The following CCDC47 variants were observed in gnomAD, a reference collection of about 807,000 sequenced individuals.
CCDC47 encodes coiled-coil domain containing 47.
Under a neutral mutation model 60.5 loss-of-function variants are expected in CCDC47, and 41 were observed. The ratio of observed to expected loss-of-function variants is 0.68; its 90% CI spans 0.53 to 0.88. The LOEUF is 0.88. Ranked by LOEUF, CCDC47 falls within the 40% of genes least tolerant of loss-of-function variation. The pLI, the probability that CCDC47 is intolerant of heterozygous loss-of-function variation, is 0.00. For synonymous variants in CCDC47, 195 were observed against 190.7 expected (o/e 1.02, Z -0.18); for missense variants, 513 against 580.9 (o/e 0.88, Z 1.20).
intron 2 of CCDC47, chr17:63,765,688 T>C: frequency 7.4e-7 from 1 of 1,352,344 alleles, no homozygotes. Context: ...ACAGTATCTA[T>C]TCTCTAACCC....
Position 63,766,177 on chromosome 17 carries a change from G to A in CCDC47, c.-2C>T. 1 of 1,595,844 alleles carries A rather than the reference G, an allele frequency of 6.3e-7. No homozygotes were observed. Among genetic ancestry groups the A allele is most frequent in the Admixed American group, 1.8e-5 (1 of 55,266 alleles). On this transcript the variant is annotated 5_prime_UTR_variant, in exon 2 of 13. Coordinates refer to ENST00000225726, the MANE Select transcript of CCDC47 (RefSeq NM_020198.3). ...ACAGAAAGTGTGGAAGGCTTTCATT[G>A]CACCTTGAGAAAAAAAGCTTAAAAA...
At chr17:63,755,373 G>T in intron 8 of CCDC47, 2 of 836,252 alleles carry the variant, frequency 2.4e-6, no homozygotes, top group Non-Finnish European at 2.9e-6. Context: ...TAATCCAAGC[G>T]CTTTGGGAGG....
rs201808551 is a variant in CCDC47, at chr17:63,760,906, A to C, written c.735+8T>G. 839 of 1,602,920 alleles carry C rather than the reference A, an allele frequency of 5.2e-4. No individual in the cohort carries two copies. Among genetic ancestry groups the C allele is most frequent in the Non-Finnish European group, 4.7e-4 (547 of 1,170,200 alleles). On this transcript the variant is annotated splice_region_variant and intron_variant, in intron 6 of 12. Transcript: ENST00000225726. ...TGTACACAGAAAACCAGCGGGAAGAATACATACCACTTGATCACTCACTGG... is the reference window on the plus strand; with the variant it reads ...TGTACACAGAAAACCAGCGGGAAGACTACATACCACTTGATCACTCACTGG...
In CCDC47 at chr17:63,764,787, G is replaced by T; in HGVS notation, c.325C>A (p.Pro109Thr). The change falls in exon 3 of 13, where the codon CCA (proline) becomes ACA (threonine). Residue 109 changes from proline (P) to threonine (T), a missense_variant. Transcript: ENST00000225726. Reference sequence around the variant, plus strand: ...TTATTTTTGCTAGAAGAAGTATCTGGTTTGTCTTCATAACCTTCAAATTCT... The same window carrying T: ...TTATTTTTGCTAGAAGAAGTATCTGTTTTGTCTTCATAACCTTCAAATTCT... ...DEEFEGYEDK[P>T]DTSSSKNKDP... 2 of 1,613,404 alleles carry T rather than the reference G, an allele frequency of 1.2e-6. No individual in the cohort carries two copies. The highest frequency in any genetic ancestry group is 1.7e-6 in the Non-Finnish European group (2 of 1,179,852).
intron 1 of CCDC47, chr17:63,766,724 C>A (rs182393730): frequency 1.6e-6 from 1 of 644,610 alleles, no homozygotes; most frequent in African/African-American, 2.0e-5. Flanking sequence ...TGTGCCCAGC[C>A]CAAGTCATTT....
intron 1 of CCDC47, among the ~76,000 whole-genome samples, chr17:63,768,946 C>T (rs1429801707): frequency 6.6e-6 from 1 of 151,728 alleles, no homozygotes; most frequent in Non-Finnish European, 1.5e-5. Context: ...AATTAGCCAG[C>T]GTGTGGCGTG....
At chr17:63,769,431 T>A (rs1408063769) in intron 1 of CCDC47, among the ~76,000 whole-genome samples, 2 of 151,582 alleles carry the variant, frequency 1.3e-5, no homozygotes, top group African/African-American at 4.8e-5. Context: ...CTGACCAACA[T>A]GGTGAAACCT....
At chr17:63,753,084 G>A (rs1348611124) in intron 9 of CCDC47, 2 of 395,266 alleles carry the variant, frequency 5.1e-6, no homozygotes, top group Non-Finnish European at 6.9e-6. Flanking sequence ...AGCCAGAAAT[G>A]AGCCTATATT....
intron 1 of CCDC47, among the ~76,000 whole-genome samples, chr17:63,770,421 G>A (rs1235949923): frequency 6.6e-6 from 1 of 152,126 alleles, no homozygotes; most frequent in East Asian, 1.9e-4. Flanking sequence ...TGGGAGAAAG[G>A]AGGCTGGAAA....
chr17:63,747,226 C>T, intron 12 of CCDC47: 1 of 984,874 alleles, frequency 1.0e-6, no homozygotes, highest in Non-Finnish European at 1.2e-6. Flanking sequence ...CTATAATTAA[C>T]CAGCCTTTGT....
At chr17:63,753,601 A>G (rs2039183003) in intron 9 of CCDC47, 1 of 972,430 alleles carries the variant, frequency 1.0e-6, no homozygotes, top group Non-Finnish European at 1.2e-6. Context: ...CTGTGAATTC[A>G]AAGAACAAAT....
In CCDC47 at chr17:63,764,207, A is replaced by G. The variant is rs771948741; in HGVS notation, c.373-17T>C. 12 of 1,563,678 alleles carry G rather than the reference A, an allele frequency of 7.7e-6. No homozygotes were observed. The South Asian group carries it at 1.3e-4, about 17-fold the overall frequency. ...TGCAGGAACCTAAAAAAGCAAAATC[A>G]TTCCATTAAATGTTGGCTGAGACTG... is the stretch of plus-strand genomic sequence containing the variant. On this transcript the variant is annotated splice_polypyrimidine_tract_variant and intron_variant, in intron 3 of 12. Coordinates refer to ENST00000225726, the MANE Select transcript of CCDC47 (RefSeq NM_020198.3).
intron 4 of CCDC47, among the ~76,000 whole-genome samples, chr17:63,762,445 C>T (rs1944307385): frequency 6.6e-6 from 1 of 152,130 alleles, no homozygotes; most frequent in Admixed American, 6.5e-5. Context: ...CTTCAGTTTC[C>T]TCCTTAGGAA....
intron 4 of CCDC47, chr17:63,761,697 A>T: frequency 8.3e-6 from 1 of 121,062 alleles, no homozygotes; most frequent in Non-Finnish European, 9.6e-6. Context: ...ACTCTGTCTC[A>T]AAAAAAAAAA....
intron 12 of CCDC47, among the ~76,000 whole-genome samples, chr17:63,748,279 A>AGGGC (rs2039135357): frequency 6.6e-6 from 1 of 151,218 alleles, no homozygotes; most frequent in South Asian, 2.1e-4. Context: ...TGCCCAGCTA[A>AGGGC]TTTTTGTATT....
At chr17:63,770,670 TC>T (rs2039331518) in intron 1 of CCDC47, among the ~76,000 whole-genome samples, 1 of 152,052 alleles carries the variant, frequency 6.6e-6, no homozygotes, top group Non-Finnish European at 1.5e-5. Flanking sequence ...TGCCTTGCAA[TC>T]CATGGATGCT....
chr17:63,760,062 C>CAAAAAAAAAAAAAAAAAA (rs10643408), intron 6 of CCDC47, among the ~76,000 whole-genome samples: 1 of 98,454 alleles, frequency 1.0e-5, no homozygotes, highest in Non-Finnish European at 2.0e-5. Context: ...GACTCCGTCT[C>CAAAAAAAAAAAAAAAAAA]AAAAAAAAAA....
intron 12 of CCDC47, among the ~76,000 whole-genome samples, chr17:63,750,111 G>C (rs2039151867): frequency 6.6e-6 from 1 of 152,098 alleles, no homozygotes; most frequent in African/African-American, 2.4e-5. Context: ...AAAATTAAAT[G>C]ATTTACATCG....
chr17:63,766,064 CATT>C lies in CCDC47; in HGVS notation c.109_111del (p.Asn37del), dbSNP rs1384584628. ...ATGACATCCTCAAATTCAGCGAAGT[CATT>C]ATCATCATACTCTACTATGTCCTCC... On this transcript the variant is annotated inframe_deletion, in exon 2 of 13. Coordinates refer to ENST00000225726, the MANE Select transcript of CCDC47 (RefSeq NM_020198.3). 2 of 1,614,078 alleles carry C rather than the reference CATT, an allele frequency of 1.2e-6. No individual in the cohort carries two copies. The highest frequency in any genetic ancestry group is 1.7e-6 in the Non-Finnish European group (2 of 1,180,026).
Sources: gnomAD v4.1 joint callset for allele counts (sites outside exome capture counted in the v4.1 genomes callset) on GRCh38, gnomAD v4.1.1 for gene constraint, MANE v1.5 for transcripts, NCBI Gene and HGNC (gene_info 2026-07-23, HGNC 2026-07-21) for gene names.